The following ARHGAP15 variants were observed in gnomAD, a reference collection of about 807,000 sequenced individuals.
ARHGAP15 encodes the protein Rho GTPase activating protein 15.
In ARHGAP15, 51 loss-of-function variants were observed where a neutral mutation model predicts 63.7. The ratio of observed to expected loss-of-function variants is 0.80; its 90% confidence interval spans 0.64 to 1.01. The LOEUF is 1.01. Ranked by LOEUF, ARHGAP15 falls within the 50% of genes least tolerant of loss-of-function variation. ARHGAP15 has a pLI of 0.00. For synonymous variants in ARHGAP15, 191 were observed against 193.8 expected (o/e 0.99, Z 0.12); for missense variants, 560 against 564.6 (o/e 0.99, Z 0.08).
intron 9 of ARHGAP15, among the ~76,000 whole-genome samples, chr2:143,510,018 T>TAAAAAAAAAAAAAAAAAAAAAAAAAAA (rs35469918): frequency 2.0e-5 from 1 of 48,808 alleles, no homozygotes; most frequent in African/African-American, 7.8e-5. Flanking sequence ...GACTCCCTCT[T>TAAAAAAAAAAAAAAAAAAAAAAAAAAA]AAAAAAAAAA....
At chr2:143,731,091 A>T (rs1435267259) in intron 13 of ARHGAP15, among the ~76,000 whole-genome samples, 3 of 152,046 alleles carry the variant, frequency 2.0e-5, no homozygotes, top group Non-Finnish European at 4.4e-5. Flanking sequence ...TTGGTTTTAG[A>T]GGTGAAACGC....
intron 6 of ARHGAP15, among the ~76,000 whole-genome samples, chr2:143,315,002 T>A (rs1268285345): frequency 6.6e-6 from 1 of 152,240 alleles, no homozygotes; most frequent in African/African-American, 2.4e-5. Context: ...TATATGTACG[T>A]ATCTTTATTT....
intron 8 of ARHGAP15, among the ~76,000 whole-genome samples, chr2:143,483,643 G>C (rs1318091645): frequency 6.6e-6 from 1 of 152,214 alleles, no homozygotes; most frequent in Non-Finnish European, 1.5e-5. Context: ...GCTGTCAGTT[G>C]AAGCAGATCA....
intron 11 of ARHGAP15, among the ~76,000 whole-genome samples, chr2:143,615,111 A>T (rs1698403417): frequency 6.6e-6 from 1 of 152,200 alleles, no homozygotes; most frequent in Admixed American, 6.5e-5. Context: ...CAGAAAATTT[A>T]GTTTACTCCC....
Position 143,536,617 on chromosome 2 carries a change from T to C in ARHGAP15, c.925+17253T>C, listed in dbSNP as rs1365154780. Among the ~76,000 whole-genome samples the C allele has an allele frequency of 6.0e-5, 9 of 150,262 alleles. No homozygotes were observed. The East Asian group carries it at 1.2e-3, about 20-fold the overall frequency. On this transcript the variant is annotated intron_variant, in intron 10 of 13. Transcript: ENST00000295095. ...CAATTCCCACCTATGAACGAGAACA[T>C]GCGGTGTTTGGTTTTTTGTCCTTGC...
chr2:143,606,533 C>T (rs958412989), intron 11 of ARHGAP15, among the ~76,000 whole-genome samples: 1 of 152,140 alleles, frequency 6.6e-6, no homozygotes, highest in African/African-American at 2.4e-5. Context: ...GTGCACTCAG[C>T]TCATATCAGA....
At chr2:143,598,975 TAGAA>T (rs768373145) in intron 11 of ARHGAP15, among the ~76,000 whole-genome samples, 18 of 152,042 alleles carry the variant, frequency 1.2e-4, no homozygotes, top group Non-Finnish European at 2.4e-4. Context: ...TTTTTGAAGT[TAGAA>T]AGTATGCAAC....
chr2:143,263,405 C>T (rs2381401), intron 6 of ARHGAP15, among the ~76,000 whole-genome samples: 34,585 of 152,020 alleles, frequency 0.23, 4,247 homozygotes, highest in South Asian at 0.35. Context: ...TGCTGTCAAA[C>T]ACCTGGTTTG....
At chr2:143,311,175 A>G (rs939368414) in intron 6 of ARHGAP15, among the ~76,000 whole-genome samples, 2 of 152,074 alleles carry the variant, frequency 1.3e-5, no homozygotes, top group South Asian at 2.1e-4. Flanking sequence ...TTGCCCTTGT[A>G]TGTTTCATAA....
Position 143,415,924 on chromosome 2 carries a change from T to A in ARHGAP15, c.475-19677T>A, listed in dbSNP as rs1447500974. ...TCACTCATAAGTGGGAGCTAAGATA[T>A]GAGGATGCAGAGGCATAAAAATGAC... On this transcript the variant is annotated intron_variant, in intron 6 of 13. Transcript: ENST00000295095. 2.0e-5 allele frequency among the ~76,000 whole-genome samples: 3 copies of A among 151,880 alleles called. No individual in the cohort carries two copies. In the East Asian group the frequency reaches 5.8e-4, roughly 29 times the overall value.
intron 10 of ARHGAP15, among the ~76,000 whole-genome samples, chr2:143,540,070 TG>T (rs1694973701): frequency 6.6e-6 from 1 of 152,220 alleles, no homozygotes; most frequent in South Asian, 2.1e-4. Flanking sequence ...GCTCCTGTAT[TG>T]GGTGCATATA....
intron 12 of ARHGAP15, among the ~76,000 whole-genome samples, chr2:143,701,960 C>G (rs937260946): frequency 6.6e-6 from 1 of 152,126 alleles, no homozygotes; most frequent in African/African-American, 2.4e-5. Context: ...CCTGACCAAC[C>G]CTGTCACTTC....
Position 143,240,649 on chromosome 2 carries a change from G to C in ARHGAP15, c.385-9862G>C, listed in dbSNP as rs147131885. Among the ~76,000 whole-genome samples, 6 of 152,250 alleles carry C rather than the reference G, an allele frequency of 3.9e-5. No individual in the cohort carries two copies. The East Asian group carries it at 1.2e-3, about 29-fold the overall frequency. On this transcript the variant is annotated intron_variant, in intron 5 of 13. Coordinates refer to ENST00000295095, the MANE Select transcript of ARHGAP15 (RefSeq NM_018460.4). ...ATCATTGATGCAGTATGTTAGTATA[G>C]CTGTAGATTGCACCATCATATGGCC... is the stretch of plus-strand genomic sequence containing the variant.
intron 13 of ARHGAP15, among the ~76,000 whole-genome samples, chr2:143,739,943 C>T (rs1685895489): frequency 6.6e-6 from 1 of 152,172 alleles, no homozygotes; most frequent in Non-Finnish European, 1.5e-5. Flanking sequence ...TCCAACTTCC[C>T]ACCGTGTCAT....
chr2:143,245,218 C>T (rs772829406), intron 5 of ARHGAP15, among the ~76,000 whole-genome samples: 4 of 152,136 alleles, frequency 2.6e-5, no homozygotes, highest in African/African-American at 7.2e-5. Context: ...GGGCCTAGAA[C>T]GCTAAACCTG....
intron 10 of ARHGAP15, among the ~76,000 whole-genome samples, chr2:143,542,035 G>T (rs1156506591): frequency 6.6e-6 from 1 of 152,190 alleles, no homozygotes; most frequent in East Asian, 1.9e-4. Context: ...CCAGTTCGAG[G>T]TTCCTGGCTG....
At chr2:143,374,920 G>A (rs1686735395) in intron 6 of ARHGAP15, among the ~76,000 whole-genome samples, 1 of 152,122 alleles carries the variant, frequency 6.6e-6, no homozygotes, top group South Asian at 2.1e-4. Context: ...TAATACATGT[G>A]TGCCAAAATG....
intron 11 of ARHGAP15, among the ~76,000 whole-genome samples, chr2:143,611,174 A>T (rs1040444373): frequency 1.5e-4 from 23 of 152,018 alleles, no homozygotes; most frequent in Admixed American, 1.4e-3. Context: ...GTTGTTTGTT[A>T]GTTTTTTTAA....
At chr2:143,292,203 C>T (rs1682434245) in intron 6 of ARHGAP15, among the ~76,000 whole-genome samples, 1 of 152,036 alleles carries the variant, frequency 6.6e-6, no homozygotes, top group Admixed American at 6.6e-5. Flanking sequence ...TTTGGGGTGA[C>T]AGTTAGCTTC....
Sources: gnomAD v4.1 joint callset for allele counts (sites outside exome capture counted in the v4.1 genomes callset) on GRCh38, gnomAD v4.1.1 for gene constraint, MANE v1.5 for transcripts, NCBI Gene and HGNC (gene_info 2026-07-23, HGNC 2026-07-21) for gene names.